The following IGSF10 variants were observed in gnomAD, a reference collection of about 807,000 sequenced individuals.
The protein encoded by IGSF10 is immunoglobulin superfamily member 10.
In IGSF10, 126 loss-of-function variants were observed where a neutral mutation model predicts 128.2. That is an observed-to-expected ratio of 0.98 (90% CI 0.85 to 1.14). The LOEUF is 1.14. Among genes scored for constraint, IGSF10 ranks in the 50% most tolerant of loss-of-function variants. The pLI is 0.00. For synonymous variants in IGSF10, 1,185 were observed against 1,146.2 expected, an observed-to-expected ratio of 1.03 and a Z score of -0.68; for missense variants, 3,295 against 3,149.8, an observed-to-expected ratio of 1.05 and a Z score of -1.10.
In IGSF10 at chr3:151,437,333, G is replaced by C; in HGVS notation, c.7228C>G (p.Arg2410Gly). 1.2e-6 allele frequency: 2 copies of C among 1,614,112 alleles called. No homozygotes were observed. The highest frequency in any genetic ancestry group is 1.7e-6 in the Non-Finnish European group (2 of 1,180,006). The change falls in exon 8 of 8, where the codon CGC becomes GGC. Residue 2410 changes from arginine (R) to glycine (G), a missense_variant. Coordinates refer to ENST00000282466, the MANE Select transcript of IGSF10 (RefSeq NM_178822.5). ...KTTREDAGKY[R>G]CAARNKVGYI... The stretch of plus-strand genomic sequence containing the variant: ...CCAACTTTATTCCTAGCTGCACAGC[G>C]ATATTTTCCTGCATCCTCCCGAGTT...
chr3:151,510,447 C>T, the IGSF10 span, among the ~76,000 whole-genome samples: 1 of 152,120 alleles, frequency 6.6e-6, no homozygotes, highest in Non-Finnish European at 1.5e-5. Flanking sequence ...AAAGGACACC[C>T]ACACCAAAAA....
chr3:151,437,521 A>T lies in IGSF10; in HGVS notation c.7040T>A (p.Ile2347Lys). Residue 2347 changes from isoleucine (I) to lysine (K), a missense_variant, in exon 8 of 8, where the codon ATA becomes AAA. Transcript: ENST00000282466. ...TGTGGACTTTCCCAGCTGGGCAACT[A>T]TTTTTTCATTAAATGGATTTCTAAA... ...PTFRNPFNEK[I>K]VAQLGKSTAL... The T allele has an allele frequency of 6.2e-7, 1 of 1,614,084 alleles. No homozygotes were observed. The highest frequency in any genetic ancestry group is 8.5e-7 in the Non-Finnish European group (1 of 1,180,024).
chr3:151,557,019 G>C, the IGSF10 span, among the ~76,000 whole-genome samples: 1 of 152,126 alleles, frequency 6.6e-6, no homozygotes, highest in Admixed American at 6.5e-5. Context: ...AATAACAAAA[G>C]GTGCGGTAAG....
chr3:151,597,380 G>A, the IGSF10 span, among the ~76,000 whole-genome samples: 8 of 152,222 alleles, frequency 5.3e-5, no homozygotes, highest in Non-Finnish European at 8.8e-5. Context: ...GTTGCTCTGG[G>A]ATGAGATCAG....
chr3:151,436,953 C>T lies in IGSF10; in HGVS notation c.7608G>A (p.Arg2536=), dbSNP rs1327919120. Residue 2536 remains arginine (R), a synonymous_variant, in exon 8 of 8, where the codon AGG becomes AGA. Transcript: ENST00000282466. ...CTGCCCCTGTCCTGGTGACAATACT[C>T]CTGGGTGGACGATTTGTAATTCGGG... is the stretch of plus-strand genomic sequence containing the variant. The part of the protein sequence containing the change: ...YPPRITNRPP[R]SIVTRTGAAF... The T allele has an allele frequency of 6.2e-7, 1 of 1,614,204 alleles. No homozygotes were observed. The highest frequency in any genetic ancestry group is 2.2e-5 in the East Asian group (1 of 44,894).
chr3:151,613,784 A>G, the IGSF10 span, among the ~76,000 whole-genome samples: 2 of 152,216 alleles, frequency 1.3e-5, no homozygotes, highest in Non-Finnish European at 2.9e-5. Flanking sequence ...TCATGTCTAA[A>G]ACACCAAAAG....
Position 151,437,429 on chromosome 3 carries a change from G to C in IGSF10, c.7132C>G (p.Arg2378Gly), listed in dbSNP as rs750401797. 1 of 1,614,150 alleles carries C rather than the reference G, an allele frequency of 6.2e-7. No individual in the cohort carries two copies. Residue 2378 changes from arginine to glycine, a missense_variant, in exon 8 of 8, where the codon CGA becomes GGA. Arg to Gly is a moderately radical substitution (Grantham distance 125). Transcript: ENST00000282466. ...TAACTTTGTGGTCCATTGGAAAATC[G>C]TGTGCCATTTGGTAAAATCCAGATT... ...EIIWILPNGT[R>G]FSNGPQSYQY...
the IGSF10 span, among the ~76,000 whole-genome samples, chr3:151,509,804 T>G: frequency 6.6e-6 from 1 of 152,174 alleles, no homozygotes; most frequent in African/African-American, 2.4e-5. Context: ...AATGGGCTTA[T>G]CAAACGGCAC....
At chr3:151,593,527 C>T in the IGSF10 span, among the ~76,000 whole-genome samples, 3,093 of 151,010 alleles carry the variant, frequency 0.02, 100 homozygotes, top group African/African-American at 0.072. Context: ...TTTAAGACTT[C>T]GGGTTTTTGG....
the IGSF10 span, among the ~76,000 whole-genome samples, chr3:151,590,896 A>C: frequency 6.6e-6 from 1 of 152,186 alleles, no homozygotes; most frequent in African/African-American, 2.4e-5. Context: ...AGGGAGCTCT[A>C]ATTTATATTA....
chr3:151,456,332 TGAG>T (rs1388047974), intron 4 of IGSF10, among the ~76,000 whole-genome samples: 1 of 152,258 alleles, frequency 6.6e-6, no homozygotes, highest in African/African-American at 2.4e-5. Flanking sequence ...CTGTATTTTA[TGAG>T]GAGCTTTGTA....
the IGSF10 span, among the ~76,000 whole-genome samples, chr3:151,526,602 C>T: frequency 6.6e-6 from 1 of 152,156 alleles, no homozygotes. Context: ...TTTCTCTTAA[C>T]TTTCTTCTGC....
chr3:151,502,488 C>T, the IGSF10 span, among the ~76,000 whole-genome samples: 2 of 151,934 alleles, frequency 1.3e-5, no homozygotes, highest in Admixed American at 6.6e-5. Context: ...AGCAGATAAA[C>T]AAAAACTCTC....
At chr3:151,561,962 G>C in the IGSF10 span, among the ~76,000 whole-genome samples, 2 of 152,100 alleles carry the variant, frequency 1.3e-5, no homozygotes, top group African/African-American at 4.8e-5. Flanking sequence ...ATACTTTCAA[G>C]ACTTATCTTT....
chr3:151,442,411 A>T, intron 7 of IGSF10, among the ~76,000 whole-genome samples: 1 of 120,120 alleles, frequency 8.3e-6, no homozygotes, highest in Admixed American at 1.0e-4. Context: ...ACAAAGTCTC[A>T]CTCTGTTGCC....
chr3:151,601,230 CTT>C, the IGSF10 span, among the ~76,000 whole-genome samples: 1 of 152,074 alleles, frequency 6.6e-6, no homozygotes, highest in South Asian at 2.1e-4. Context: ...AAATTAAAAA[CTT>C]TGGAAGTTCA....
At chr3:151,463,535 T>TGTTTTTTTG (rs56084857), upstream of IGSF10, among the ~76,000 whole-genome samples, 1 of 52,156 alleles carries the variant, frequency 1.9e-5, no homozygotes, top group African/African-American at 8.2e-5. Context: ...TTTTTTTTTT[T>TGTTTTTTTG]TTTTTTTTTT....
chr3:151,498,329 T>C, the IGSF10 span, among the ~76,000 whole-genome samples: 1 of 152,184 alleles, frequency 6.6e-6, no homozygotes, highest in Non-Finnish European at 1.5e-5. Context: ...CTCTCATTAT[T>C]TTGAGATACA....
chr3:151,571,959 C>G, the IGSF10 span, among the ~76,000 whole-genome samples: 1 of 152,184 alleles, frequency 6.6e-6, no homozygotes, highest in African/African-American at 2.4e-5. Context: ...AAGGCCTTTT[C>G]TGCATCTATT....
Sources: allele counts gnomAD v4.1 joint callset (sites outside exome capture counted in the v4.1 genomes callset), GRCh38; gene constraint gnomAD v4.1.1; transcripts MANE v1.5; gene names NCBI Gene and HGNC (gene_info 2026-07-23, HGNC 2026-07-21).